ZNF385D: variants seen among roughly 807,000 people sequenced by gnomAD.
ZNF385D encodes the protein zinc finger protein 385D.
A neutral mutation model predicts 35.8 loss-of-function variants in ZNF385D; 15 were observed. The observed-to-expected ratio is 0.42, with a 90% confidence interval of 0.28 to 0.64. The LOEUF (loss-of-function observed/expected upper bound fraction) is 0.64. ZNF385D is among the 30% of genes least tolerant of loss of function. ZNF385D has a pLI of 0.23. For missense variants in ZNF385D, 474 were observed against 494.6 expected (o/e 0.96, Z 0.39); for synonymous variants, 212 against 186.8 (o/e 1.13, Z -1.10).
chr3:21,503,974 A>G (rs1323772316), intron 4 of ZNF385D, among the ~76,000 whole-genome samples: 1 of 152,192 alleles, frequency 6.6e-6, no homozygotes, highest in East Asian at 1.9e-4. Context: ...AAATTAAAAG[A>G]GAAAAAGGGA....
chr3:21,748,329 C>CCA (rs1391887354), intron 1 of ZNF385D, among the ~76,000 whole-genome samples: 1 of 150,228 alleles, frequency 6.7e-6, no homozygotes, highest in African/African-American at 2.5e-5. Flanking sequence ...AGGGCAGGGT[C>CCA]CAGTTGTCCA....
chr3:21,528,420 C>G (rs2061835913), intron 3 of ZNF385D, among the ~76,000 whole-genome samples: 1 of 152,130 alleles, frequency 6.6e-6, no homozygotes, highest in Non-Finnish European at 1.5e-5. Context: ...TGCCAGTGAA[C>G]AGGATCTGCA....
rs747523676 is a variant in ZNF385D, at chr3:21,890,002, A to G, written c.326-224974T>C. On this transcript the variant is annotated intron_variant, in intron 3 of 5. Coordinates refer to the ZNF385D transcript ENST00000494108. Reference sequence around the variant, plus strand: ...TCCCCTTTTTATAAAGACACTAGTCATATTAGATGAGCCCACCCTAGTGAT... The same window carrying G: ...TCCCCTTTTTATAAAGACACTAGTCGTATTAGATGAGCCCACCCTAGTGAT... Among the ~76,000 whole-genome samples the G allele has an allele frequency of 4.7e-4, 72 of 152,108 alleles. 6 individuals are homozygous for G. The highest frequency in any genetic ancestry group is 4.4e-5 in the Non-Finnish European group (3 of 68,022).
chr3:21,649,835 A>G lies in ZNF385D; in HGVS notation c.165+15051T>C, dbSNP rs2065859858. On this transcript the variant is annotated intron_variant, in intron 2 of 7. Transcript: ENST00000281523. ...TAGTAGTACTGAATTTACTACTTAAATTATTTAAAGTGTATTGGTTTCTTT... is the reference window on the plus strand; with the variant it reads ...TAGTAGTACTGAATTTACTACTTAAGTTATTTAAAGTGTATTGGTTTCTTT... Among the ~76,000 whole-genome samples, 3 of 152,162 alleles carry G rather than the reference A, an allele frequency of 2.0e-5. No individual in the cohort carries two copies. In the South Asian group the frequency reaches 6.2e-4, roughly 31 times the overall value.
chr3:21,892,852 C>T (rs1698942775), intron 3 of ZNF385D, among the ~76,000 whole-genome samples: 1 of 151,920 alleles, frequency 6.6e-6, no homozygotes, highest in Non-Finnish European at 1.5e-5. Flanking sequence ...TTGTAAAGTC[C>T]ACTTGTTTTA....
chr3:21,785,142 A>C (rs1388819838), intron 3 of ZNF385D, among the ~76,000 whole-genome samples: 1 of 152,144 alleles, frequency 6.6e-6, no homozygotes, highest in Non-Finnish European at 1.5e-5. Context: ...AAAGCTTTTT[A>C]ATAATTTGCC....
intron 2 of ZNF385D, among the ~76,000 whole-genome samples, chr3:22,363,433 C>T (rs981748952): frequency 2.0e-5 from 3 of 152,258 alleles, no homozygotes; most frequent in East Asian, 1.9e-4. Flanking sequence ...ATGTTTGAAG[C>T]TGGACAAGGA....
At chr3:21,430,668 A>G (rs977191794) in intron 5 of ZNF385D, among the ~76,000 whole-genome samples, 1 of 152,144 alleles carries the variant, frequency 6.6e-6, no homozygotes, top group African/African-American at 2.4e-5. Flanking sequence ...AGAAAACACT[A>G]AGGCTCTACC....
chr3:22,035,769 C>T (rs961981579), intron 3 of ZNF385D, among the ~76,000 whole-genome samples: 1 of 152,046 alleles, frequency 6.6e-6, no homozygotes, highest in Non-Finnish European at 1.5e-5. Flanking sequence ...TTCTAAGATG[C>T]AGAATGTAGA....
chr3:21,779,430 C>T (rs968908768), intron 3 of ZNF385D, among the ~76,000 whole-genome samples: 13 of 151,612 alleles, frequency 8.6e-5, no homozygotes, highest in African/African-American at 2.4e-4. Context: ...TTAAAGAGAG[C>T]GGATTGTTGC....
intron 2 of ZNF385D, among the ~76,000 whole-genome samples, chr3:22,195,249 C>A (rs1201496842): frequency 6.6e-6 from 1 of 151,782 alleles, no homozygotes; most frequent in Non-Finnish European, 1.5e-5. Flanking sequence ...TTTTTCTTAA[C>A]TCCTAGTTCA....
chr3:21,550,267 ATAAGTAT>A (rs1035141454), intron 3 of ZNF385D, among the ~76,000 whole-genome samples: 8 of 152,142 alleles, frequency 5.3e-5, no homozygotes, highest in African/African-American at 1.9e-4. Context: ...AATAATACTG[ATAAGTAT>A]TAAGATATAT....
intron 2 of ZNF385D, among the ~76,000 whole-genome samples, chr3:22,330,556 T>A (rs2125459724): frequency 6.6e-6 from 1 of 152,294 alleles, no homozygotes; most frequent in Admixed American, 6.5e-5. Context: ...TAATGATATT[T>A]CAGGGCCCCC....
intron 3 of ZNF385D, among the ~76,000 whole-genome samples, chr3:21,778,875 C>T (rs929540724): frequency 3.3e-5 from 5 of 151,880 alleles, no homozygotes; most frequent in Non-Finnish European, 5.9e-5. Flanking sequence ...CACTGTCTGG[C>T]ACATAGTCTG....
intron 1 of ZNF385D, among the ~76,000 whole-genome samples, chr3:21,725,084 T>C (rs1440056169): frequency 6.6e-6 from 1 of 152,178 alleles, no homozygotes; most frequent in African/African-American, 2.4e-5. Context: ...GAATGACTAC[T>C]GGATAAATAA....
At chr3:22,181,957 T>C (rs921764851) in intron 2 of ZNF385D, among the ~76,000 whole-genome samples, 20 of 152,064 alleles carry the variant, frequency 1.3e-4, no homozygotes, top group African/African-American at 4.8e-4. Flanking sequence ...AGTCAAAAAA[T>C]GAAACCATAA....
intron 3 of ZNF385D, among the ~76,000 whole-genome samples, chr3:21,979,467 C>T (rs558062215): frequency 1.3e-5 from 2 of 152,278 alleles, no homozygotes; most frequent in African/African-American, 2.4e-5. Context: ...AACTCAGTTA[C>T]GCTGGCTCAC....
At chr3:21,999,842 A>G (rs1695725696) in intron 3 of ZNF385D, among the ~76,000 whole-genome samples, 2 of 152,148 alleles carry the variant, frequency 1.3e-5, no homozygotes, top group Non-Finnish European at 2.9e-5. Flanking sequence ...ATGGGACACC[A>G]TAAAATGACC....
intron 3 of ZNF385D, among the ~76,000 whole-genome samples, chr3:22,115,080 G>A (rs1352751497): frequency 6.6e-6 from 1 of 152,080 alleles, no homozygotes; most frequent in African/African-American, 2.4e-5. Context: ...AACTAAGACA[G>A]GGTGTCAACT....
Sources: allele counts gnomAD v4.1 joint callset (sites outside exome capture counted in the v4.1 genomes callset), GRCh38; gene constraint gnomAD v4.1.1; transcripts MANE v1.5; gene names NCBI Gene and HGNC (gene_info 2026-07-23, HGNC 2026-07-21).